The following HMCN1 variants were observed in gnomAD, a reference collection of about 807,000 sequenced individuals.
HMCN1 encodes the protein hemicentin-1.
A neutral mutation model predicts 625.9 loss-of-function variants in HMCN1; 321 were observed. That is an observed-to-expected ratio of 0.51 (90% CI 0.47 to 0.56). HMCN1 has a LOEUF of 0.56. Among genes scored for constraint, HMCN1 ranks in the 20% least tolerant of loss-of-function variants. HMCN1 has a pLI of 0.00. For synonymous variants in HMCN1, 2,425 were observed against 2,417.6 expected, an observed-to-expected ratio of 1.00 and a Z score of -0.09; for missense variants, 6,588 against 6,887.3, an observed-to-expected ratio of 0.96 and a Z score of 1.54.
At chr1:185,772,387 A>G (rs576239557) in intron 1 of HMCN1, among the ~76,000 whole-genome samples, 1 of 152,276 alleles carries the variant, frequency 6.6e-6, no homozygotes, top group South Asian at 2.1e-4. Flanking sequence ...AATGGAGAGA[A>G]GAGAACAAAT....
intron 4 of HMCN1, among the ~76,000 whole-genome samples, chr1:185,869,651 A>G (rs1275425143): frequency 6.6e-6 from 1 of 152,178 alleles, no homozygotes; most frequent in Non-Finnish European, 1.5e-5. Context: ...GAAAGCTACC[A>G]CCACAGAAGA....
Position 185,909,462 on chromosome 1 carries a change from G to A in HMCN1, c.747G>A (p.Val249=), listed in dbSNP as rs1336424088. The A allele has an allele frequency of 6.2e-7, 1 of 1,613,616 alleles. No homozygotes were observed. The highest frequency in any genetic ancestry group is 2.2e-5 in the East Asian group (1 of 44,854). Residue 249 remains valine (V), a synonymous_variant, in exon 5 of 107, where the codon GTG becomes GTA. Transcript: ENST00000271588. ...PFDPSLKEVT[V]SLSGPSPMIE... ...ATCCCAGCCTGAAAGAGGTCACTGT[G>A]TCTTTGAGTGGGCCTTCTCCAATGA...
Position 186,081,341 on chromosome 1 carries a change from C to T in HMCN1, c.8734C>T (p.Pro2912Ser), listed in dbSNP as rs1355016977. The part of the protein sequence containing the change: ...PRNSWQKDGQ[P>S]LLEDDHHKFL... ...GAATTCCTGGCAGAAAGATGGACAG[C>T]CCTTGCTAGAAGATGACCATCATAA... The change falls in exon 56 of 107, where the codon CCC (proline) becomes TCC (serine). Residue 2912 changes from proline (P) to serine (S), a missense_variant. Around this residue, in one of 3 missense-constraint regions of HMCN1, gnomAD observed 4,628 missense variants for 4,853.1 expected, o/e 0.95. Transcript: ENST00000271588. 6.2e-7 allele frequency: 1 copy of T among 1,613,612 alleles called. No individual in the cohort carries two copies. Among genetic ancestry groups the T allele is most frequent in the Non-Finnish European group, 8.5e-7 (1 of 1,179,704 alleles).
chr1:186,056,583 T>C (rs1657335015), intron 45 of HMCN1, among the ~76,000 whole-genome samples: 1 of 151,958 alleles, frequency 6.6e-6, no homozygotes, highest in Non-Finnish European at 1.5e-5. Flanking sequence ...CCAAAACTCA[T>C]GTCCTTTGCA....
intron 16 of HMCN1, among the ~76,000 whole-genome samples, chr1:185,980,135 A>G (rs1651513108): frequency 6.6e-6 from 1 of 152,192 alleles, no homozygotes; most frequent in African/African-American, 2.4e-5. Context: ...AATGTCTAAC[A>G]CATACAAATG....
At chr1:186,171,248 T>G in intron 100 of HMCN1, 89 bp from the exon 101 acceptor site, 1 of 930,280 alleles carries the variant, frequency 1.1e-6, no homozygotes, top group Non-Finnish European at 1.8e-6. Context: ...TTAAACATGG[T>G]AATGATCAAG....
At chr1:186,154,022 C>A (rs201292914) in intron 97 of HMCN1, 35 bp downstream of exon 97, 5 of 1,537,832 alleles carry the variant, frequency 3.3e-6, no homozygotes, top group South Asian at 1.1e-5. Context: ...ATCTTTATGC[C>A]ATCCAGTCTA....
chr1:186,009,271 G>T (rs1409468576), intron 30 of HMCN1, among the ~76,000 whole-genome samples: 1 of 152,072 alleles, frequency 6.6e-6, no homozygotes, highest in Non-Finnish European at 1.5e-5. Context: ...AGATCCTCTT[G>T]TTCACTCTGT....
chr1:186,085,813 C>T (rs1228216396), intron 57 of HMCN1, among the ~76,000 whole-genome samples: 1 of 152,008 alleles, frequency 6.6e-6, no homozygotes. Context: ...ACTCTAGATC[C>T]CTGCCCCATT....
chr1:186,055,092 G>A (rs551604412), intron 44 of HMCN1, among the ~76,000 whole-genome samples: 56 of 152,028 alleles, frequency 3.7e-4, no homozygotes, highest in African/African-American at 1.3e-3. Context: ...CTTACGTAAG[G>A]CAGGGCTACA....
At chr1:185,892,688 A>G (rs867132510) in intron 4 of HMCN1, among the ~76,000 whole-genome samples, 8,473 of 150,266 alleles carry the variant, frequency 0.056, 885 homozygotes, top group African/African-American at 0.2. Flanking sequence ...CCAGCTGCCT[A>G]CTGGGAGAAC....
At chr1:185,738,762 T>C (rs186267855) in intron 1 of HMCN1, among the ~76,000 whole-genome samples, 1 of 152,346 alleles carries the variant, frequency 6.6e-6, no homozygotes, top group East Asian at 1.9e-4. Context: ...TTCTTTATTA[T>C]AGCACATAGA....
intron 71 of HMCN1, among the ~76,000 whole-genome samples, chr1:186,112,370 G>A (rs993531523): frequency 6.6e-6 from 1 of 152,182 alleles, no homozygotes; most frequent in African/African-American, 2.4e-5. Context: ...TCTATAATGA[G>A]GCATCTGTCC....
intron 52 of HMCN1, among the ~76,000 whole-genome samples, chr1:186,072,612 G>A (rs528474156): frequency 6.6e-6 from 1 of 152,306 alleles, no homozygotes; most frequent in South Asian, 2.1e-4. Context: ...GGTGGAGAGT[G>A]TGATTTCTTA....
At chr1:185,756,774 A>G (rs1655158480) in intron 1 of HMCN1, among the ~76,000 whole-genome samples, 3 of 152,120 alleles carry the variant, frequency 2.0e-5, no homozygotes. Context: ...TGCTCCTTCT[A>G]ACTTTAAAAT....
chr1:186,121,257 G>C (rs975485328), intron 80 of HMCN1, among the ~76,000 whole-genome samples: 1 of 152,142 alleles, frequency 6.6e-6, no homozygotes, highest in Non-Finnish European at 1.5e-5. Context: ...CCTAAGATAT[G>C]TAGATTTTAT....
chr1:185,760,835 A>T (rs1655451040), intron 1 of HMCN1, among the ~76,000 whole-genome samples: 1 of 152,170 alleles, frequency 6.6e-6, no homozygotes, highest in South Asian at 2.1e-4. Context: ...TAAAAACTTT[A>T]CAAAGTATTA....
rs183034059 is a variant in HMCN1, at chr1:185,931,302, T to A, written c.1553-2247T>A. Among the ~76,000 whole-genome samples the A allele has an allele frequency of 7.7e-4, 117 of 152,312 alleles. 1 individual carries two copies. Among genetic ancestry groups the A allele is most frequent in the East Asian group, 5.8e-4 (3 of 5,182 alleles). On this transcript the variant is annotated intron_variant, in intron 10 of 106. Transcript: ENST00000271588. ...ATCCTAGTCTGCTTTCACTCAGGAA[T>A]GGCTGCTCTTTGTACTCCTAGAACA...
intron 68 of HMCN1, among the ~76,000 whole-genome samples, chr1:186,103,112 CATA>C (rs1005025007): frequency 1.3e-4 from 20 of 151,908 alleles, no homozygotes; most frequent in Non-Finnish European, 7.4e-5. Context: ...GATACAAAAA[CATA>C]ATAATATGCT....
Sources: allele counts gnomAD v4.1 joint callset (sites outside exome capture counted in the v4.1 genomes callset), GRCh38; gene constraint gnomAD v4.1.1; regional missense constraint gnomAD v4.1.1; transcripts MANE v1.5; gene names NCBI Gene and HGNC (gene_info 2026-07-23, HGNC 2026-07-21).